TLN2: variants seen among roughly 807,000 people sequenced by gnomAD.
TLN2 encodes the protein talin 2.
A neutral mutation model predicts 294.7 loss-of-function variants in TLN2; 118 were observed. The observed-to-expected ratio is 0.40, with a 90% CI of 0.34 to 0.47. TLN2 has a LOEUF of 0.47. Among genes scored for constraint, TLN2 ranks in the 20% least tolerant of loss-of-function variants. The pLI is 0.84. For synonymous variants in TLN2, 1,431 were observed against 1,304.5 expected, an observed-to-expected ratio of 1.10 and a Z score of -2.09; for missense variants, 3,083 against 3,282.2, an observed-to-expected ratio of 0.94 and a Z score of 1.48.
chr15:62,395,628 CTG>C (rs1423759236), intron 1 of TLN2, among the ~76,000 whole-genome samples: 1 of 152,074 alleles, frequency 6.6e-6, no homozygotes, highest in Non-Finnish European at 1.5e-5. Flanking sequence ...ATGTAAGAAT[CTG>C]TGTGTAAGGG....
At chr15:62,511,505 T>G (rs2039933854) in intron 1 of TLN2, among the ~76,000 whole-genome samples, 1 of 152,218 alleles carries the variant, frequency 6.6e-6, no homozygotes, top group Non-Finnish European at 1.5e-5. Flanking sequence ...TTCGCAAATG[T>G]TAGAGGAGGG....
chr15:62,736,816 C>G lies in TLN2; in HGVS notation c.3359-62C>G, dbSNP rs181994203. ...CAGGCCCTGGTCCAGAAGCTTATTC[C>G]TAAGTAAAATGTGCCATTTAGATGG... is the stretch of plus-strand genomic sequence containing the variant. On this transcript the variant is annotated intron_variant, in intron 28 of 58. Coordinates refer to ENST00000636159, the MANE Select transcript of TLN2 (RefSeq NM_015059.3). The G allele has an allele frequency of 1.3e-3, 2,008 of 1,571,452 alleles. 1 individual carries two copies. Among genetic ancestry groups the G allele is most frequent in the Non-Finnish European group, 1.6e-3 (1,858 of 1,149,044 alleles).
chr15:62,760,552 C>CT (rs2062597079), intron 37 of TLN2, among the ~76,000 whole-genome samples: 1 of 152,136 alleles, frequency 6.6e-6, no homozygotes, highest in Non-Finnish European at 1.5e-5. Flanking sequence ...ACATAACTGC[C>CT]TTGTCAAGTG....
intron 2 of TLN2, among the ~76,000 whole-genome samples, chr15:62,596,011 C>T (rs1041106237): frequency 4.6e-5 from 7 of 152,108 alleles, no homozygotes; most frequent in African/African-American, 1.4e-4. Context: ...CGCGGTGGCT[C>T]ACGCCTGTAA....
At chr15:62,697,661 C>A in intron 14 of TLN2, 27 bp from the exon 15 acceptor site, 1 of 1,581,462 alleles carries the variant, frequency 6.3e-7, no homozygotes, top group Non-Finnish European at 8.6e-7. Flanking sequence ...GGTGTTCTCT[C>A]AGTGACCAAA....
intron 1 of TLN2, among the ~76,000 whole-genome samples, chr15:62,483,958 T>G (rs2038243516): frequency 6.6e-6 from 1 of 152,024 alleles, no homozygotes; most frequent in African/African-American, 2.4e-5. Flanking sequence ...AGAGAAGATG[T>G]TAGGGAAAGT....
At chr15:62,518,261 A>T (rs559152220) in intron 1 of TLN2, among the ~76,000 whole-genome samples, 10 of 151,812 alleles carry the variant, frequency 6.6e-5, no homozygotes, top group Admixed American at 1.3e-4. Context: ...CCGGTGTTGA[A>T]CTCCTGACCT....
At chr15:62,794,529 G>T (rs2065324422) in intron 46 of TLN2, among the ~76,000 whole-genome samples, 1 of 152,150 alleles carries the variant, frequency 6.6e-6, no homozygotes. Context: ...ATACAACCCT[G>T]CAGGCTTCCC....
At chr15:62,703,627 GCACA>G (rs71131124) in intron 19 of TLN2, among the ~76,000 whole-genome samples, 184 of 116,786 alleles carry the variant, frequency 1.6e-3, no homozygotes, top group African/African-American at 4.1e-3. Context: ...ACACACGCGC[GCACA>G]CACACACACA....
chr15:62,815,177 TCACACACACACACACACACACA>T (rs3055852), intron 52 of TLN2, among the ~76,000 whole-genome samples: 109 of 140,688 alleles, frequency 7.7e-4, no homozygotes, highest in East Asian at 6.0e-3. Context: ...ATTCTGTCTG[TCACACACACACACACACACACA>T]CACACACACA....
At chr15:62,457,267 C>A (rs555103277) in intron 1 of TLN2, among the ~76,000 whole-genome samples, 5 of 152,170 alleles carry the variant, frequency 3.3e-5, no homozygotes, top group Non-Finnish European at 7.3e-5. Flanking sequence ...AGAGGGAGAG[C>A]GTGCGAGCGT....
chr15:62,612,381 G>A (rs997461309), intron 2 of TLN2, among the ~76,000 whole-genome samples: 2 of 152,120 alleles, frequency 1.3e-5, no homozygotes, highest in African/African-American at 4.8e-5. Context: ...TCTCCTTAAT[G>A]CAGGTGCTAT....
Position 62,702,165 on chromosome 15 carries a change from G to T in TLN2, c.1870G>T (p.Asp624Tyr). Reference sequence around the variant, plus strand: ...CAGGACCCTCGCTGGGGCGGTGTCAGACTTGCTGAAAGCTGTGCAGCCTAC... The same window carrying T: ...CAGGACCCTCGCTGGGGCGGTGTCATACTTGCTGAAAGCTGTGCAGCCTAC... ...AARTLAGAVS[D>Y]LLKAVQPTSG... is the part of the protein sequence containing the mutation. Residue 624 changes from aspartate (D) to tyrosine (Y), a missense_variant, in exon 18 of 59, where the codon GAC becomes TAC. Transcript: ENST00000636159. 1 of 1,610,280 alleles carries T rather than the reference G, an allele frequency of 6.2e-7. No homozygotes were observed. Among genetic ancestry groups the T allele is most frequent in the Non-Finnish European group, 8.5e-7 (1 of 1,178,242 alleles).
At chr15:62,832,496 C>T (rs1317777212) in intron 54 of TLN2, 1 of 152,228 alleles carries the variant, frequency 6.6e-6, no homozygotes, top group African/African-American at 2.4e-5. Flanking sequence ...GGACCACAGT[C>T]TTTATACTTG....
At chr15:62,527,609 T>G (rs971402680) in intron 1 of TLN2, among the ~76,000 whole-genome samples, 2 of 152,324 alleles carry the variant, frequency 1.3e-5, no homozygotes, top group Non-Finnish European at 2.9e-5. Flanking sequence ...AAAATGTCTT[T>G]CATGTCATTC....
intron 1 of TLN2, among the ~76,000 whole-genome samples, chr15:62,554,346 T>A (rs1177535170): frequency 6.7e-6 from 1 of 148,778 alleles, no homozygotes; most frequent in East Asian, 1.9e-4. Context: ...TATGAGGAAG[T>A]GAGACCTTGT....
chr15:62,467,276 A>G (rs2037189329), intron 1 of TLN2, among the ~76,000 whole-genome samples: 1 of 152,218 alleles, frequency 6.6e-6, no homozygotes, highest in African/African-American at 2.4e-5. Flanking sequence ...GAGAGAGACA[A>G]AATTTTTGCT....
At chr15:62,393,614 C>T (rs1271512060) in intron 1 of TLN2, among the ~76,000 whole-genome samples, 1 of 152,080 alleles carries the variant, frequency 6.6e-6, no homozygotes, top group East Asian at 1.9e-4. Context: ...CAACTATGCT[C>T]AGAAAAAAAC....
intron 11 of TLN2, among the ~76,000 whole-genome samples, chr15:62,680,502 C>A (rs2056722371): frequency 6.7e-6 from 1 of 149,648 alleles, no homozygotes; most frequent in African/African-American, 2.5e-5. Flanking sequence ...TAAAAATTAG[C>A]AAAACCATTT....
Sources: allele counts gnomAD v4.1 joint callset (sites outside exome capture counted in the v4.1 genomes callset), GRCh38; gene constraint gnomAD v4.1.1; transcripts MANE v1.5; gene names NCBI Gene and HGNC (gene_info 2026-07-23, HGNC 2026-07-21).